SERINC5: variants seen among roughly 807,000 people sequenced by gnomAD.
SERINC5 encodes serine incorporator 5.
Under a neutral mutation model 63.1 loss-of-function variants are expected in SERINC5, and 41 were observed. The observed-to-expected ratio is 0.65, with a 90% CI of 0.51 to 0.84. The LOEUF is 0.84. Ranked by LOEUF, SERINC5 falls within the 40% of genes least tolerant of loss-of-function variation. The pLI is 0.00. For synonymous variants in SERINC5, 222 were observed against 215.2 expected (o/e 1.03, Z -0.28); for missense variants, 523 against 573.0 (o/e 0.91, Z 0.89).
At chr5:80,191,694 A>C (rs1287299807) in intron 2 of SERINC5, among the ~76,000 whole-genome samples, 1 of 145,868 alleles carries the variant, frequency 6.9e-6, no homozygotes, top group East Asian at 2.0e-4. Context: ...AAAAAAAAAG[A>C]CTTTTTTTTT....
At chr5:80,144,090 T>C (rs985509269) in intron 11 of SERINC5, among the ~76,000 whole-genome samples, 5 of 151,710 alleles carry the variant, frequency 3.3e-5, no homozygotes, top group Non-Finnish European at 7.4e-5. Flanking sequence ...TTCTGGACAG[T>C]TGATATAAAA....
chr5:80,138,334 G>A (rs896887003), downstream of SERINC5, among the ~76,000 whole-genome samples: 5 of 152,258 alleles, frequency 3.3e-5, no homozygotes, highest in South Asian at 1.0e-3. Context: ...GGTGGCTCAC[G>A]TCTGTAATCC....
chr5:80,168,813 C>T (rs1747469279), intron 6 of SERINC5, among the ~76,000 whole-genome samples: 2 of 152,208 alleles, frequency 1.3e-5, no homozygotes, highest in Admixed American at 1.3e-4. Context: ...CATGTTTCCA[C>T]TGAGTTTACT....
intron 1 of SERINC5, among the ~76,000 whole-genome samples, chr5:80,223,208 C>A (rs1180970428): frequency 6.6e-6 from 1 of 152,176 alleles, no homozygotes; most frequent in Non-Finnish European, 1.5e-5. Flanking sequence ...AGGCATATAG[C>A]TATCCCTCAG....
At chr5:80,177,478 A>T (rs1748113273) in intron 3 of SERINC5, 81 bp from the exon 4 acceptor site, 3 of 1,064,222 alleles carry the variant, frequency 2.8e-6, no homozygotes, top group Non-Finnish European at 4.3e-6. Flanking sequence ...AAGGTACAGC[A>T]TGTCAATCCA....
chr5:80,218,148 TC>T (rs1750749394), intron 1 of SERINC5, among the ~76,000 whole-genome samples: 1 of 152,202 alleles, frequency 6.6e-6, no homozygotes, highest in Non-Finnish European at 1.5e-5. Context: ...GAAGGCAGTT[TC>T]AAGTGTCTCA....
intron 1 of SERINC5, among the ~76,000 whole-genome samples, chr5:80,227,757 G>A (rs1266168196): frequency 6.6e-6 from 1 of 152,248 alleles, no homozygotes; most frequent in East Asian, 1.9e-4. Flanking sequence ...GCTGAGGCAT[G>A]AGAATCGCTT....
At chr5:80,146,744 C>T (rs1745850993) in intron 10 of SERINC5, among the ~76,000 whole-genome samples, 1 of 152,190 alleles carries the variant, frequency 6.6e-6, no homozygotes, top group South Asian at 2.1e-4. Flanking sequence ...GCATAAGCCA[C>T]CGTGCCTGCC....
intron 12 of SERINC5, among the ~76,000 whole-genome samples, chr5:80,112,997 T>C (rs1013624813): frequency 6.6e-6 from 1 of 152,174 alleles, no homozygotes; most frequent in Non-Finnish European, 1.5e-5. Context: ...AGCTGCATAA[T>C]AGTCTCCCCT....
rs534048814 is a variant in SERINC5, at chr5:80,143,572, C to T, written c.*91G>A. 230 of 1,419,454 alleles carry T rather than the reference C, an allele frequency of 1.6e-4. No homozygotes were observed. The highest frequency in any genetic ancestry group is 2.1e-4 in the Non-Finnish European group (228 of 1,085,552). 87.9% of individuals were successfully genotyped at this position (1,419,454 alleles called of 1,614,324 possible). On this transcript the variant is annotated 3_prime_UTR_variant, in exon 12 of 12. Coordinates refer to ENST00000507668, the MANE Select transcript of SERINC5 (RefSeq NM_001174072.3). ...AAGCTTTTTCAGACCCACTCAGGCA[C>T]AGGGCGCCAGTCCCTGCCCCGGGGA...
At chr5:80,237,629 C>G (rs1751755588) in intron 1 of SERINC5, among the ~76,000 whole-genome samples, 1 of 152,210 alleles carries the variant, frequency 6.6e-6, no homozygotes, top group East Asian at 1.9e-4. Context: ...GCCACCTCCC[C>G]ACCAGTTGCC....
At position 80,139,964 on chromosome 5, in the gene SERINC5, C is replaced by T. The variant is rs1580049462; in HGVS notation, c.*3699G>A. 1 of 985,344 alleles carries T rather than the reference C, an allele frequency of 1.0e-6. No homozygotes were observed. Among genetic ancestry groups the T allele is most frequent in the Non-Finnish European group, 1.2e-6 (1 of 829,898 alleles). The allele number at this position is 985,344 out of a possible 1,614,324, so 61.0% of individuals were successfully genotyped here. On this transcript the variant is annotated 3_prime_UTR_variant, in exon 12 of 12. Transcript: ENST00000507668. ...AAAGCCTAGGTAGCTTAAATACAGG[C>T]TCTGGAATTTCCTTCGCAGGAAGGT...
In SERINC5 at chr5:80,201,031, G is replaced by A. The variant is rs546530783; in HGVS notation, c.195+1855C>T. Among the ~76,000 whole-genome samples, 129 of 152,058 alleles carry A rather than the reference G, an allele frequency of 8.5e-4. 1 individual carries two copies. Among genetic ancestry groups the A allele is most frequent in the East Asian group, 3.9e-4 (2 of 5,150 alleles). On this transcript the variant is annotated intron_variant, in intron 2 of 11. Coordinates refer to ENST00000507668, the MANE Select transcript of SERINC5 (RefSeq NM_001174072.3). ...GGAGAATTGCTTGAACCTGGGAGGC[G>A]GAGGCTGCAGTGGGCTGAGATCGCG...
At chr5:80,215,127 GGA>G (rs1750606467) in intron 1 of SERINC5, among the ~76,000 whole-genome samples, 1 of 152,194 alleles carries the variant, frequency 6.6e-6, no homozygotes, top group South Asian at 2.1e-4. Flanking sequence ...CCCTAATGTT[GGA>G]GATGGGGCCT....
intron 2 of SERINC5, among the ~76,000 whole-genome samples, chr5:80,192,606 A>G (rs373088181): frequency 2.0e-5 from 3 of 152,206 alleles, no homozygotes; most frequent in African/African-American, 7.2e-5. Flanking sequence ...CACATCTGTC[A>G]CACAAACACA....
chr5:80,135,043 T>G (rs1177488650), downstream of SERINC5, among the ~76,000 whole-genome samples: 1 of 152,202 alleles, frequency 6.6e-6, no homozygotes, highest in African/African-American at 2.4e-5. Flanking sequence ...GGAAATAGGC[T>G]GAGGAAACTA....
At position 80,256,035 on chromosome 5, in the gene SERINC5, A is replaced by AT; in HGVS notation, c.-114dup. ...AGCCGCAGCTCACACTTGAACGAAGATCAGCCTCGGCGAAGCGCCTAGGCG... is the reference window on the plus strand; with the variant it reads ...AGCCGCAGCTCACACTTGAACGAAGATTCAGCCTCGGCGAAGCGCCTAGGCG... On this transcript the variant is annotated 5_prime_UTR_variant, in exon 1 of 12. Coordinates refer to ENST00000507668, the MANE Select transcript of SERINC5 (RefSeq NM_001174072.3). 8.6e-7 allele frequency: 1 copy of AT among 1,167,922 alleles called. No individual in the cohort carries two copies. The highest frequency in any genetic ancestry group is 3.6e-5 in the Admixed American group (1 of 27,406). The allele number at this position is 1,167,922 out of a possible 1,614,324, so 72.3% of individuals were successfully genotyped here.
intron 1 of SERINC5, among the ~76,000 whole-genome samples, chr5:80,232,310 A>G (rs1329755242): frequency 2.6e-5 from 4 of 151,776 alleles, no homozygotes; most frequent in Non-Finnish European, 4.4e-5. Context: ...AGGCTGAGGC[A>G]GGAGAATGGC....
chr5:80,183,888 C>T (rs992265175), intron 2 of SERINC5, among the ~76,000 whole-genome samples: 2 of 151,006 alleles, frequency 1.3e-5, no homozygotes, highest in Non-Finnish European at 2.9e-5. Context: ...CTCTTCACAC[C>T]GACGCGCATG....
Sources: allele counts gnomAD v4.1 joint callset (sites outside exome capture counted in the v4.1 genomes callset), GRCh38; gene constraint gnomAD v4.1.1; transcripts MANE v1.5; gene names NCBI Gene and HGNC (gene_info 2026-07-23, HGNC 2026-07-21).